COL7A1: variants seen among roughly 807,000 people sequenced by gnomAD.
The protein encoded by COL7A1 is collagen type VII alpha 1 chain.
A neutral mutation model predicts 456.2 loss-of-function variants in COL7A1; 296 were observed. That is an observed-to-expected ratio of 0.65 (90% confidence interval 0.59 to 0.71). The LOEUF is 0.71. Ranked by LOEUF, COL7A1 falls within the 30% of genes least tolerant of loss-of-function variation. The pLI is 0.00. For missense variants in COL7A1, 3,441 were observed against 4,017.2 expected (o/e 0.86, Z 3.88); for synonymous variants, 1,464 against 1,525.9 (o/e 0.96, Z 0.95).
chr3:48,579,266 AC>A lies in COL7A1; in HGVS notation c.5318del (p.Gly1773ValfsTer68). 6.2e-7 allele frequency: 1 copy of A among 1,613,728 alleles called. No individual in the cohort carries two copies. The highest frequency in any genetic ancestry group is 8.5e-7 in the Non-Finnish European group (1 of 1,179,978). ...CGCTCCGGCCATCCAGCCCAGGGGG[AC>A]CCCGGTCACCCTGTGGAAAATAGAG... ...RGPAGEKGDR[G>X]PPGLDGRSGL... is the part of the protein sequence containing the mutation. On this transcript the variant is annotated frameshift_variant, in exon 62 of 119. Coordinates refer to ENST00000681320, the MANE Select transcript of COL7A1 (RefSeq NM_000094.4). LOFTEE classifies it high-confidence loss of function. The surrounding 1 kb of genome is among the most constrained non-coding windows in gnomAD (Gnocchi z 4.4).
In COL7A1 at chr3:48,566,099, C is replaced by T. The variant is rs570171398; in HGVS notation, c.8407+168G>A. Among the ~76,000 whole-genome samples, 1 of 152,312 alleles carries T rather than the reference C, an allele frequency of 6.6e-6. No homozygotes were observed. The highest frequency in any genetic ancestry group is 2.4e-5 in the African/African-American group (1 of 41,570). ...TCCTCATCTGCCTGTGTGTCTCCCT[C>T]CACTGGGGACACATGTCATGTGTCA... On this transcript the variant is annotated intron_variant, in intron 114 of 118. Coordinates refer to ENST00000681320, the MANE Select transcript of COL7A1 (RefSeq NM_000094.4). This position sits in a 1 kb window ranked among gnomAD's most constrained non-coding sequence, Gnocchi z 5.9.
chr3:48,584,694 C>T (rs762020991), intron 35 of COL7A1, 40 bp downstream of exon 35: 108 of 1,613,798 alleles, frequency 6.7e-5, no homozygotes, highest in Non-Finnish European at 9.0e-5. Flanking sequence ...CCTGCTCCTC[C>T]CTGGGACATC....
At position 48,580,997 on chromosome 3, in the gene COL7A1, A is replaced by G. The variant is rs2044714646; in HGVS notation, c.4936-71T>C. ...TAACTCACTCAGGGAGAGGGGACAG[A>G]GAAGGGTCTGAGCAGCAGCTGGACA... On this transcript the variant is annotated intron_variant, in intron 53 of 118. Coordinates refer to ENST00000681320, the MANE Select transcript of COL7A1 (RefSeq NM_000094.4). The surrounding 1 kb of genome is among the most constrained non-coding windows in gnomAD (Gnocchi z 4.5). 6.2e-7 allele frequency: 1 copy of G among 1,606,818 alleles called. No homozygotes were observed. The highest frequency in any genetic ancestry group is 8.5e-7 in the Non-Finnish European group (1 of 1,174,522).
Position 48,588,248 on chromosome 3 carries a change from T to C in COL7A1, c.2710+34A>G. 6.2e-7 allele frequency: 1 copy of C among 1,612,294 alleles called. No individual in the cohort carries two copies. The highest frequency in any genetic ancestry group is 8.5e-7 in the Non-Finnish European group (1 of 1,179,826). On this transcript the variant is annotated intron_variant, in intron 21 of 118. Transcript: ENST00000681320. The surrounding 1 kb of genome is among the most constrained non-coding windows in gnomAD (Gnocchi z 4.6). ...GAGTCTGCCACAGCCCTGCCCCCAA[T>C]GGTCCCTAACTTCCTCCTGGGGACA...
chr3:48,571,840 C>A lies in COL7A1; in HGVS notation c.7068+161G>T. 2.3e-6 allele frequency: 2 copies of A among 868,206 alleles called. No individual in the cohort carries two copies. Among genetic ancestry groups the A allele is most frequent in the Admixed American group, 2.3e-5 (1 of 44,412 alleles). 53.8% of individuals were successfully genotyped at this position (868,206 alleles called of 1,614,324 possible). On this transcript the variant is annotated intron_variant, in intron 92 of 118. Coordinates refer to ENST00000681320, the MANE Select transcript of COL7A1 (RefSeq NM_000094.4). The surrounding 1 kb of genome is among the most constrained non-coding windows in gnomAD (Gnocchi z 4.6). The stretch of plus-strand genomic sequence containing the variant: ...CCAGAGCTCAGAGTGTGGAAGCCGA[C>A]AGTGTGTGGCTCCCTGTGATCCAGA...
At position 48,575,053 on chromosome 3, in the gene COL7A1, G is replaced by T. The variant is rs756592453; in HGVS notation, c.6279+11C>A. The T allele has an allele frequency of 6.2e-7, 1 of 1,610,844 alleles. No individual in the cohort carries two copies. Among genetic ancestry groups the T allele is most frequent in the Admixed American group, 1.7e-5 (1 of 60,012 alleles). The stretch of plus-strand genomic sequence containing the variant: ...CTAGTCACAGGACTAAGGCAGGGAT[G>T]GGGTGATCACCTTGGGGCCAGGGGG... On this transcript the variant is annotated intron_variant, in intron 76 of 118. Coordinates refer to ENST00000681320, the MANE Select transcript of COL7A1 (RefSeq NM_000094.4). The surrounding 1 kb of genome is among the most constrained non-coding windows in gnomAD (Gnocchi z 6.3).
chr3:48,571,247 A>C lies in COL7A1; in HGVS notation c.7100T>G (p.Phe2367Cys). The change falls in exon 93 of 119, where the codon TTC (phenylalanine) becomes TGC (cysteine). Residue 2367 changes from phenylalanine to cysteine, a missense_variant. By Grantham distance (205) the Phe-to-Cys change is radical. Transcript: ENST00000681320. The surrounding 1 kb of genome is among the most constrained non-coding windows in gnomAD (Gnocchi z 4.6). Reference sequence around the variant, plus strand: ...GACCCTTCTGGGTACACATACCTTGAAACCTTTGGGTCCTGGAGCCCCTTT... The same window carrying C: ...GACCCTTCTGGGTACACATACCTTGCAACCTTTGGGTCCTGGAGCCCCTTT... ...GQKGAPGPKGFKGDPGVGVPG... is the reference protein window; with the variant it reads ...GQKGAPGPKGCKGDPGVGVPG... The C allele has an allele frequency of 6.2e-7, 1 of 1,614,164 alleles. No individual in the cohort carries two copies. The highest frequency in any genetic ancestry group is 8.5e-7 in the Non-Finnish European group (1 of 1,180,030).
At position 48,576,246 on chromosome 3, in the gene COL7A1, C is replaced by A. The variant is rs751883312; in HGVS notation, c.5820+3G>T. 1.2e-6 allele frequency: 2 copies of A among 1,613,698 alleles called. No individual in the cohort carries two copies. Reference sequence around the variant, plus strand: ...TCAAGGGGACATCCCAAGCCTGGCTCACCGGCACACTTCCAGGCTCTCCTC... The same window carrying A: ...TCAAGGGGACATCCCAAGCCTGGCTAACCGGCACACTTCCAGGCTCTCCTC... On this transcript the variant is annotated splice_donor_region_variant and intron_variant, in intron 71 of 118. Transcript: ENST00000681320.
rs1251469053 is a variant in COL7A1, at chr3:48,594,443, A to G, written c.191T>C (p.Leu64Pro). 1.2e-6 allele frequency: 2 copies of G among 1,612,112 alleles called. No individual in the cohort carries two copies. Among genetic ancestry groups the G allele is most frequent in the East Asian group, 2.2e-5 (1 of 44,898 alleles). ...FREVRSFLEG[L>P]VLPFSGAASA... is the part of the protein sequence containing the mutation. ...GGCTGCTCCAGAGAAAGGCAGCACC[A>G]GCCCTTCGAGAAAGCTGCGGACCTC... The change falls in exon 3 of 119, where the codon CTG (leucine) becomes CCG (proline). Residue 64 changes from leucine to proline, a missense_variant. Physicochemically the swap from Leu to Pro is moderately conservative, Grantham distance 98. Coordinates refer to ENST00000681320, the MANE Select transcript of COL7A1 (RefSeq NM_000094.4). The surrounding 1 kb of genome is among the most constrained non-coding windows in gnomAD (Gnocchi z 5.5).
chr3:48,585,781 C>T lies in COL7A1; in HGVS notation c.3787-47G>A. The T allele has an allele frequency of 6.2e-7, 1 of 1,614,068 alleles. No individual in the cohort carries two copies. Among genetic ancestry groups the T allele is most frequent in the South Asian group, 1.1e-5 (1 of 91,086 alleles). On this transcript the variant is annotated intron_variant, in intron 30 of 118. Coordinates refer to ENST00000681320, the MANE Select transcript of COL7A1 (RefSeq NM_000094.4). The surrounding 1 kb of genome is among the most constrained non-coding windows in gnomAD (Gnocchi z 4.5). ...ACCTGTGCTGCCAACCTCTCCTGCCCCACTGACACTCAACCCATTCTCTAT... is the reference window on the plus strand; with the variant it reads ...ACCTGTGCTGCCAACCTCTCCTGCCTCACTGACACTCAACCCATTCTCTAT...
In COL7A1 at chr3:48,569,340, A is replaced by G; in HGVS notation, c.7686+35T>C. The G allele has an allele frequency of 2.5e-6, 4 of 1,610,678 alleles. No homozygotes were observed. Among genetic ancestry groups the G allele is most frequent in the Non-Finnish European group, 3.4e-6 (4 of 1,177,360 alleles). ...GCTGTGGAACCACCACAGCCACAGG[A>G]CCCCACAGAGAGTACACCACCCTCT... On this transcript the variant is annotated intron_variant, in intron 103 of 118. Coordinates refer to ENST00000681320, the MANE Select transcript of COL7A1 (RefSeq NM_000094.4). This position sits in a 1 kb window ranked among gnomAD's most constrained non-coding sequence, Gnocchi z 4.9.
At chr3:48,589,197 G>C (rs2045515131) in intron 18 of COL7A1, 130 bp downstream of exon 18, 1 of 1,492,338 alleles carries the variant, frequency 6.7e-7, no homozygotes, top group African/African-American at 1.4e-5. Context: ...CACTTAATCA[G>C]TGTGGGGTGG....
chr3:48,588,552 C>T lies in COL7A1; in HGVS notation c.2587+90G>A. 6.2e-7 allele frequency: 1 copy of T among 1,610,382 alleles called. No homozygotes were observed. Among genetic ancestry groups the T allele is most frequent in the Non-Finnish European group, 8.5e-7 (1 of 1,178,424 alleles). On this transcript the variant is annotated intron_variant, in intron 20 of 118. Transcript: ENST00000681320. The surrounding 1 kb of genome is among the most constrained non-coding windows in gnomAD (Gnocchi z 4.6). ...TGCCCCCAAAGGCTCACTACCAATCCTGGTCCTTTCTCCAATCCAGAGCAC... is the reference window on the plus strand; with the variant it reads ...TGCCCCCAAAGGCTCACTACCAATCTTGGTCCTTTCTCCAATCCAGAGCAC...
rs920967777 is a variant in COL7A1 at position 48,571,615 on chromosome 3, G to A, written c.7069-337C>T. The A allele has an allele frequency of 9.1e-6, 6 of 657,728 alleles. No homozygotes were observed. The highest frequency in any genetic ancestry group is 1.4e-5 in the Non-Finnish European group (5 of 346,808). The allele number at this position is 657,728 out of a possible 1,614,324, so 40.7% of individuals were successfully genotyped here. A position where few individuals can be genotyped will look rare whatever the true frequency, so the allele number is the denominator to read the frequency against. On this transcript the variant is annotated intron_variant, in intron 92 of 118. Transcript: ENST00000681320. The surrounding 1 kb of genome is among the most constrained non-coding windows in gnomAD (Gnocchi z 4.6). Reference sequence around the variant, plus strand: ...GGGGAACCCCAACACGTCCACTCCCGGGTAGAGCAGGCATGGCCACAGGCT... The same window carrying A: ...GGGGAACCCCAACACGTCCACTCCCAGGTAGAGCAGGCATGGCCACAGGCT...
Position 48,570,435 on chromosome 3 carries a change from G to A in COL7A1, c.7380+30C>T. ...GCTGAAGGGGGTGACCAGGGCACAA[G>A]AGAGAGTCAGCAGCACTTGTCCCAC... is the stretch of plus-strand genomic sequence containing the variant. On this transcript the variant is annotated intron_variant, in intron 97 of 118. Coordinates refer to ENST00000681320, the MANE Select transcript of COL7A1 (RefSeq NM_000094.4). The surrounding 1 kb of genome is among the most constrained non-coding windows in gnomAD (Gnocchi z 5.5). 3 of 1,614,038 alleles carry A rather than the reference G, an allele frequency of 1.9e-6. No homozygotes were observed. The highest frequency in any genetic ancestry group is 2.5e-6 in the Non-Finnish European group (3 of 1,179,968).
rs2044591415 is a variant in COL7A1 at position 48,579,679 on chromosome 3, G to A, written c.5155-11C>T. On this transcript the variant is annotated splice_polypyrimidine_tract_variant and intron_variant, in intron 58 of 118. Coordinates refer to ENST00000681320, the MANE Select transcript of COL7A1 (RefSeq NM_000094.4). The surrounding 1 kb of genome is among the most constrained non-coding windows in gnomAD (Gnocchi z 4.4). ...GTCCCCAGGCTCTCCCTGTGGCAGA[G>A]ATAAGCTTGCTGAGGAACAGCCTTG... 6.2e-7 allele frequency: 1 copy of A among 1,613,634 alleles called. No homozygotes were observed. The highest frequency in any genetic ancestry group is 1.3e-5 in the African/African-American group (1 of 74,882).
chr3:48,570,401 T>A lies in COL7A1; in HGVS notation c.7380+64A>T, dbSNP rs1417112939. 1.9e-6 allele frequency: 3 copies of A among 1,612,732 alleles called. No individual in the cohort carries two copies. The highest frequency in any genetic ancestry group is 2.7e-5 in the African/African-American group (2 of 74,534). On this transcript the variant is annotated intron_variant, in intron 97 of 118. Transcript: ENST00000681320. The surrounding 1 kb of genome is among the most constrained non-coding windows in gnomAD (Gnocchi z 5.5). ...GTGGGGGACGCAGGGTCATGGGAGG[T>A]CAGTGGAGGCTGAAGGGGGTGACCA... is the stretch of plus-strand genomic sequence containing the variant.
Position 48,574,341 on chromosome 3 carries a change from G to T in COL7A1, c.6457-35C>A. The T allele has an allele frequency of 6.2e-7, 1 of 1,614,076 alleles. No homozygotes were observed. Among genetic ancestry groups the T allele is most frequent in the African/African-American group, 1.3e-5 (1 of 75,022 alleles). ...ATAGGTTTAAGGCCTTAGTTTCCCA[G>T]TTCCAACTTCCCCTCCACCCACCAT... On this transcript the variant is annotated intron_variant, in intron 79 of 118. Transcript: ENST00000681320. This position sits in a 1 kb window ranked among gnomAD's most constrained non-coding sequence, Gnocchi z 5.0.
chr3:48,581,712 C>T lies in COL7A1; in HGVS notation c.4716G>A (p.Gly1572=). ...AACACTTCGCTTCACTTACCCGTTC[C>T]CCTTGGACTCCGGTAGCTCCTCTGG... is the stretch of plus-strand genomic sequence containing the variant. ...AGPRGATGVQ[G]ERGPPGLVLP... is the part of the protein sequence containing the mutation. The change falls in exon 49 of 119, where the codon GGG becomes GGA. Residue 1572 remains glycine, a synonymous_variant. Coordinates refer to ENST00000681320, the MANE Select transcript of COL7A1 (RefSeq NM_000094.4). This position sits in a 1 kb window ranked among gnomAD's most constrained non-coding sequence, Gnocchi z 5.8. The T allele has an allele frequency of 6.2e-7, 1 of 1,614,110 alleles. No homozygotes were observed. Among genetic ancestry groups the T allele is most frequent in the East Asian group, 2.2e-5 (1 of 44,886 alleles).
Sources: gnomAD v4.1 joint callset for allele counts (sites outside exome capture counted in the v4.1 genomes callset) on GRCh38, gnomAD v4.1.1 for gene constraint, Gnocchi (gnomAD v3.1) non-coding constraint, MANE v1.5 for transcripts, NCBI Gene and HGNC (gene_info 2026-07-23, HGNC 2026-07-21) for gene names.